Variants in ESR1 observed in about 807,000 individuals in gnomAD.
The protein encoded by ESR1 is estrogen receptor 1.
In ESR1, 12 loss-of-function variants were observed where a neutral mutation model predicts 52.7. The observed-to-expected ratio is 0.23, with a 90% CI of 0.15 to 0.37. ESR1 has a LOEUF of 0.37. Ranked by LOEUF, ESR1 falls within the 10% of genes least tolerant of loss-of-function variation. ESR1 has a pLI of 1.00. For synonymous variants in ESR1, 305 were observed against 316.8 expected, an observed-to-expected ratio of 0.96 and a Z score of 0.39; for missense variants, 584 against 779.7, an observed-to-expected ratio of 0.75 and a Z score of 2.99.
At chr6:152,093,304 C>G (rs938139579) in intron 6 of ESR1, among the ~76,000 whole-genome samples, 1 of 151,120 alleles carries the variant, frequency 6.6e-6, no homozygotes, top group East Asian at 2.0e-4. Flanking sequence ...AAAACTAAGA[C>G]CTTGTGACTA....
At chr6:151,721,372 C>T (rs1459031301) in intron 2 of ESR1, among the ~76,000 whole-genome samples, 3 of 152,062 alleles carry the variant, frequency 2.0e-5, no homozygotes, top group African/African-American at 7.2e-5. Flanking sequence ...TATGAACTGT[C>T]AGGCTACTAA....
intron 1 of ESR1, among the ~76,000 whole-genome samples, chr6:151,668,504 T>C (rs9479092): frequency 0.023 from 3,505 of 152,216 alleles, 112 homozygotes; most frequent in African/African-American, 0.073. Flanking sequence ...AGGATGGTCT[T>C]GATCTCCTGA....
At chr6:151,920,364 A>G (rs2031382200) in intron 3 of ESR1, among the ~76,000 whole-genome samples, 1 of 151,928 alleles carries the variant, frequency 6.6e-6, no homozygotes, top group East Asian at 1.9e-4. Flanking sequence ...GAATTATTGC[A>G]AGGATAGTAA....
At chr6:151,757,579 C>T (rs1784383158) in intron 2 of ESR1, among the ~76,000 whole-genome samples, 1 of 152,244 alleles carries the variant, frequency 6.6e-6, no homozygotes, top group Non-Finnish European at 1.5e-5. Flanking sequence ...GCTCAAATTA[C>T]TGCTCTCTGA....
intron 2 of ESR1, among the ~76,000 whole-genome samples, chr6:151,879,129 T>C (rs1268709714): frequency 6.6e-6 from 1 of 152,054 alleles, no homozygotes; most frequent in Non-Finnish European, 1.5e-5. Context: ...ATGGAGGAAA[T>C]TGAATCTGTA....
chr6:152,047,263 A>G (rs572224623), intron 5 of ESR1, among the ~76,000 whole-genome samples: 15 of 151,142 alleles, frequency 9.9e-5, no homozygotes, highest in African/African-American at 3.4e-4. Context: ...TTCACCAACT[A>G]GCAAAGTGCT....
At chr6:151,994,270 A>G (rs2041280870) in intron 4 of ESR1, among the ~76,000 whole-genome samples, 1 of 152,192 alleles carries the variant, frequency 6.6e-6, no homozygotes, top group Admixed American at 6.5e-5. Flanking sequence ...ACTGCACTAT[A>G]CAACTCTGAG....
intron 2 of ESR1, among the ~76,000 whole-genome samples, chr6:151,754,611 A>G (rs1240949049): frequency 6.6e-6 from 1 of 152,088 alleles, no homozygotes; most frequent in Non-Finnish European, 1.5e-5. Context: ...CTACTTGATC[A>G]TTCCCTCCAT....
intron 3 of ESR1, among the ~76,000 whole-genome samples, chr6:151,915,885 G>T (rs1266167232): frequency 6.6e-6 from 1 of 151,232 alleles, no homozygotes; most frequent in Admixed American, 6.6e-5. Context: ...GAAACCAGTA[G>T]TTATGTCAGG....
In ESR1 at chr6:151,841,871, C is replaced by T. The variant is rs141669229; in HGVS notation, c.453-726C>T. Reference sequence around the variant, plus strand: ...AGGACTACAGTCACACATCACCATTCTCAGCTAATTTTTTTAAGAAGCATT... The same window carrying T: ...AGGACTACAGTCACACATCACCATTTTCAGCTAATTTTTTTAAGAAGCATT... On this transcript the variant is annotated intron_variant, in intron 1 of 7. Transcript: ENST00000206249. 3.7e-3 allele frequency among the ~76,000 whole-genome samples: 570 copies of T among 152,220 alleles called. 3 individuals carry two copies. The highest frequency in any genetic ancestry group is 0.013 in the African/African-American group (536 of 41,538).
At chr6:152,088,437 C>G (rs998488337) in intron 6 of ESR1, among the ~76,000 whole-genome samples, 2 of 152,168 alleles carry the variant, frequency 1.3e-5, no homozygotes, top group African/African-American at 4.8e-5. Context: ...ATGTTTGTCC[C>G]TTCCAAAACT....
At chr6:151,844,312 A>G (rs905078277) in intron 2 of ESR1, among the ~76,000 whole-genome samples, 1 of 152,060 alleles carries the variant, frequency 6.6e-6, no homozygotes, top group African/African-American at 2.4e-5. Context: ...TTTACTGTTT[A>G]TTTGATTTTA....
intron 6 of ESR1, among the ~76,000 whole-genome samples, chr6:152,079,441 C>A (rs1038172216): frequency 1.3e-5 from 2 of 152,164 alleles, no homozygotes; most frequent in Non-Finnish European, 1.5e-5. Context: ...GGAATAGCAT[C>A]AACATCAACA....
chr6:151,851,846 G>A (rs1318148350), intron 2 of ESR1, among the ~76,000 whole-genome samples: 2 of 152,024 alleles, frequency 1.3e-5, no homozygotes, highest in Non-Finnish European at 2.9e-5. Flanking sequence ...AGTCTTTAAT[G>A]CAGATTAATC....
chr6:151,869,341 G>A (rs62443560), intron 2 of ESR1, among the ~76,000 whole-genome samples: 8,502 of 152,210 alleles, frequency 0.056, 314 homozygotes, highest in Non-Finnish European at 0.083. Flanking sequence ...CACACCAGTC[G>A]TCACAATTCT....
chr6:151,722,737 T>C (rs1157594227), intron 2 of ESR1, among the ~76,000 whole-genome samples: 7 of 152,238 alleles, frequency 4.6e-5, no homozygotes, highest in Non-Finnish European at 8.8e-5. Context: ...TTAAGCAAAC[T>C]AAATTTCATA....
intron 4 of ESR1, among the ~76,000 whole-genome samples, chr6:151,988,536 C>G (rs1351565850): frequency 6.6e-6 from 1 of 151,986 alleles, no homozygotes; most frequent in Admixed American, 6.6e-5. Flanking sequence ...TTTGTGGATT[C>G]ATAGAGGGAA....
chr6:151,895,922 T>C (rs910358254), intron 3 of ESR1, among the ~76,000 whole-genome samples: 1 of 152,196 alleles, frequency 6.6e-6, no homozygotes, highest in Admixed American at 6.5e-5. Context: ...CCTGAGTCGC[T>C]AGGATTACAG....
chr6:151,759,850 T>C (rs971890093), intron 2 of ESR1, among the ~76,000 whole-genome samples: 3 of 152,216 alleles, frequency 2.0e-5, no homozygotes, highest in Admixed American at 1.3e-4. Flanking sequence ...TCATCAGAAT[T>C]GGATCCTTCA....
Sources: gnomAD v4.1 joint callset for allele counts (sites outside exome capture counted in the v4.1 genomes callset) on GRCh38, gnomAD v4.1.1 for gene constraint, MANE v1.5 for transcripts, NCBI Gene and HGNC (gene_info 2026-07-23, HGNC 2026-07-21) for gene names.